Variants in ACE observed in about 807,000 individuals in gnomAD.
ACE encodes the protein angiotensin I converting enzyme.
In ACE, 122 loss-of-function variants were observed where a neutral mutation model predicts 162.3. That is an observed-to-expected ratio of 0.75 (90% CI 0.65 to 0.87). ACE has a LOEUF of 0.87. Among genes scored for constraint, ACE ranks in the 40% least tolerant of loss-of-function variants. The probability of loss-of-function intolerance (pLI) is 0.00; values close to 1 mark genes in which losing one functional copy is unlikely to be tolerated. For missense variants in ACE, 1,799 were observed against 1,735.1 expected (o/e 1.04, Z -0.65); for synonymous variants, 796 against 720.6 (o/e 1.10, Z -1.68).
chr17:63,478,642 G>A, intron 2 of ACE: 1 of 375,334 alleles, frequency 2.7e-6, no homozygotes, highest in Admixed American at 3.7e-5. Flanking sequence ...CAGCCTGCGT[G>A]ACAGAGTGAG....
rs372437564 is a variant in ACE, at chr17:63,481,225, G to A, written c.945+37G>A. Reference sequence around the variant, plus strand: ...GCTCAAGCCTGGGGTGGTGGGGGTCGGGGGTGGGGCGCAAAAAAAGGGAGT... The same window carrying A: ...GCTCAAGCCTGGGGTGGTGGGGGTCAGGGGTGGGGCGCAAAAAAAGGGAGT... On this transcript the variant is annotated intron_variant, in intron 6 of 24. Coordinates refer to ENST00000290866, the MANE Select transcript of ACE (RefSeq NM_000789.4). 8.3e-5 allele frequency: 120 copies of A among 1,449,872 alleles called. 4 individuals carry two copies. Among genetic ancestry groups the A allele is most frequent in the East Asian group, 5.2e-4 (22 of 42,560 alleles). The allele number at this position is 1,449,872 out of a possible 1,614,324, so 89.8% of individuals were successfully genotyped here.
chr17:63,486,839 G>A lies in ACE; in HGVS notation c.2217+124G>A, dbSNP rs149571341. 2.9e-3 allele frequency: 4,343 copies of A among 1,476,362 alleles called. 14 individuals carry two copies. Among genetic ancestry groups the A allele is most frequent in the Middle Eastern group, 4.0e-3 (23 of 5,784 alleles). 91.5% of individuals were successfully genotyped at this position (1,476,362 alleles called of 1,614,324 possible). A position where few individuals can be genotyped will look rare whatever the true frequency, so the allele number is the denominator to read the frequency against. On this transcript the variant is annotated intron_variant, in intron 14 of 24. Coordinates refer to ENST00000290866, the MANE Select transcript of ACE (RefSeq NM_000789.4). The stretch of plus-strand genomic sequence containing the variant: ...TATCAAGTCATGGCATCTGCCATGC[G>A]ATGTGCACCTCAGAACTGCTGAGAG...
At position 63,489,132 on chromosome 17, in the gene ACE, G is replaced by T; in HGVS notation, c.2641G>T (p.Gly881Trp). 6.2e-7 allele frequency: 1 copy of T among 1,608,144 alleles called. No homozygotes were observed. Among genetic ancestry groups the T allele is most frequent in the Non-Finnish European group, 8.5e-7 (1 of 1,179,972 alleles). ...GGGGCCCATTCCTGCTCACCTGCTGGGTAAGGGCACATGTCGGGCCTTGAG... is the reference window on the plus strand; with the variant it reads ...GGGGCCCATTCCTGCTCACCTGCTGTGTAAGGGCACATGTCGGGCCTTGAG... Reference protein sequence around the residue: ...LEGPIPAHLLGNMWAQTWSNI... With the variant: ...LEGPIPAHLLWNMWAQTWSNI... Residue 881 changes from glycine to tryptophan, a missense_variant and splice_region_variant, in exon 17 of 25, where the codon GGG becomes TGG. Gly to Trp is a radical substitution (Grantham distance 184). Transcript: ENST00000290866.
intron 9 of ACE, 32 bp from the exon 10 acceptor site, chr17:63,483,428 G>A: frequency 6.3e-7 from 1 of 1,583,576 alleles, no homozygotes; most frequent in Non-Finnish European, 8.7e-7. Context: ...GCAACCTCTA[G>A]GCCCTAAGAC....
rs1443095653 is a variant in ACE, at chr17:63,490,948, C to A, written c.2642-6C>A. On this transcript the variant is annotated splice_polypyrimidine_tract_variant and splice_region_variant and intron_variant, in intron 17 of 24. Transcript: ENST00000290866. ...TCTCTCTGCCGTCCCCCACACTCGC[C>A]TCCAGGGAACATGTGGGCGCAGACC... is the stretch of plus-strand genomic sequence containing the variant. 1 of 1,614,058 alleles carries A rather than the reference C, an allele frequency of 6.2e-7. No homozygotes were observed. Among genetic ancestry groups the A allele is most frequent in the African/African-American group, 1.3e-5 (1 of 74,930 alleles).
Position 63,481,598 on chromosome 17 carries a change from A to G in ACE, c.978A>G (p.Ala326=). 6.2e-7 allele frequency: 1 copy of G among 1,614,050 alleles called. No individual in the cohort carries two copies. Among genetic ancestry groups the G allele is most frequent in the East Asian group, 2.2e-5 (1 of 44,878 alleles). Residue 326 remains alanine (A), a synonymous_variant, in exon 7 of 25, where the codon GCA becomes GCG. Transcript: ENST00000290866. ...ACGCCACGCACATGTTCCGGGTGGCAGAGGAGTTCTTCACCTCCCTGGAGC... is the reference window on the plus strand; with the variant it reads ...ACGCCACGCACATGTTCCGGGTGGCGGAGGAGTTCTTCACCTCCCTGGAGC... ...GWNATHMFRV[A]EEFFTSLELS...
intron 12 of ACE, 148 bp from the exon 13 acceptor site, chr17:63,485,088 G>T: frequency 6.3e-7 from 1 of 1,599,678 alleles, no homozygotes; most frequent in East Asian, 2.3e-5. Flanking sequence ...CAGGGGAGGG[G>T]CAGGGTGCCA....
Position 63,483,567 on chromosome 17 carries a change from G to GCGGGGGGGGGGCC in ACE, c.1586+10_1586+11insGGGGGGGGGGCCC. 2 of 1,589,540 alleles carry GCGGGGGGGGGGCC rather than the reference G, an allele frequency of 1.3e-6. No homozygotes were observed. Among genetic ancestry groups the GCGGGGGGGGGGCC allele is most frequent in the Non-Finnish European group, 1.7e-6 (2 of 1,165,662 alleles). On this transcript the variant is annotated intron_variant, in intron 10 of 24. Transcript: ENST00000290866. ...GTGACACCATACATCAGGTATTAGC[G>GCGGGGGGGGGGCC]CCCCCACCCCACCCACCCCCAGTAC...
chr17:63,485,011 C>T (rs2029867120), intron 12 of ACE: 2 of 1,611,376 alleles, frequency 1.2e-6, no homozygotes, highest in African/African-American at 1.3e-5. Context: ...CAACAACCAG[C>T]AGCCAGACAA....
rs1401945645 is a variant in ACE, at chr17:63,493,908, C to A, written c.3137-14C>A. The A allele has an allele frequency of 6.2e-7, 1 of 1,614,166 alleles. No homozygotes were observed. Among genetic ancestry groups the A allele is most frequent in the Admixed American group, 1.7e-5 (1 of 60,020 alleles). ...GGACCCTGGGTCTGACAGCTGGGCT[C>A]CCTTCCCTTGCAGAGCATGACATCA... On this transcript the variant is annotated splice_polypyrimidine_tract_variant and intron_variant, in intron 20 of 24. Coordinates refer to ENST00000290866, the MANE Select transcript of ACE (RefSeq NM_000789.4).
chr17:63,479,250 AC>A, intron 3 of ACE, 150 bp downstream of exon 3: 2 of 717,378 alleles, frequency 2.8e-6, no homozygotes, highest in Non-Finnish European at 2.5e-6. Flanking sequence ...CGGTGCAGAT[AC>A]CCCCACGCCC....
rs569142391 is a variant in ACE at position 63,480,329 on chromosome 17, G to A, written c.656-8G>A. 8.1e-6 allele frequency: 13 copies of A among 1,613,434 alleles called. No individual in the cohort carries two copies. Among genetic ancestry groups the A allele is most frequent in the South Asian group, 2.2e-5 (2 of 91,078 alleles). ...CCTGAGCTACATACCTCACCCCCAC[G>A]CCCCCAGGCTTCACAGACACGGGGG... On this transcript the variant is annotated splice_region_variant and splice_polypyrimidine_tract_variant and intron_variant, in intron 4 of 24. Coordinates refer to ENST00000290866, the MANE Select transcript of ACE (RefSeq NM_000789.4).
At position 63,484,455 on chromosome 17, in the gene ACE, A is replaced by G. The variant is rs773255356; in HGVS notation, c.1835A>G (p.Glu612Gly). 6.2e-7 allele frequency: 1 copy of G among 1,612,004 alleles called. No homozygotes were observed. The highest frequency in any genetic ancestry group is 8.5e-7 in the Non-Finnish European group (1 of 1,179,842). The change falls in exon 12 of 25, where the codon GAG becomes GGG. Residue 612 changes from glutamate (E) to glycine (G), a missense_variant. Glu to Gly is a moderately conservative substitution (Grantham distance 98, BLOSUM62 -2). Coordinates refer to ENST00000290866, the MANE Select transcript of ACE (RefSeq NM_000789.4). This position sits in a 1 kb window ranked among gnomAD's most constrained non-coding sequence, Gnocchi z 4.0. ...CAGCCAGTCACCCAGTGGCTGCAGG[A>G]GCAGAACCAGCAGAACGGCGAGGTC... ...YFQPVTQWLQ[E>G]QNQQNGEVLG... is the part of the protein sequence containing the mutation.
In ACE at chr17:63,494,984, C is replaced by T. The variant is rs138802176; in HGVS notation, c.3380+514C>T. On this transcript the variant is annotated intron_variant, in intron 22 of 24. Transcript: ENST00000290866. ...GTCAGACAGAACTGGGTTCAAACTC[C>T]GTCTCCATTACTTTGTTTCCTTGAG... 6.0e-3 allele frequency among the ~76,000 whole-genome samples: 919 copies of T among 152,250 alleles called. 10 individuals are homozygous for T. The highest frequency in any genetic ancestry group is 5.9e-3 in the Non-Finnish European group (404 of 68,010).
chr17:63,489,274 A>G, intron 17 of ACE, 142 bp downstream of exon 17: 1 of 979,788 alleles, frequency 1.0e-6, no homozygotes, highest in Non-Finnish European at 1.5e-6. Flanking sequence ...CCCAGGCTGG[A>G]GGGGGGTGGG....
intron 5 of ACE, 66 bp downstream of exon 5, chr17:63,480,594 G>A (rs1414792620): frequency 1.9e-6 from 3 of 1,565,906 alleles, no homozygotes; most frequent in South Asian, 1.1e-5. Context: ...AGGGGTGGGG[G>A]ATGTCCAGGG....
intron 19 of ACE, among the ~76,000 whole-genome samples, chr17:63,492,445 C>T (rs963233831): frequency 9.2e-5 from 14 of 152,200 alleles, no homozygotes; most frequent in African/African-American, 2.4e-4. Flanking sequence ...AAACAAAACC[C>T]GATGGGATTC....
chr17:63,486,151 C>T lies in ACE; in HGVS notation c.2059-406C>T, dbSNP rs182345973. The T allele has an allele frequency of 2.0e-3, 655 of 322,222 alleles. 2 individuals are homozygous for T. The highest frequency in any genetic ancestry group is 0.013 in the African/African-American group (620 of 46,762). The allele number at this position is 322,222 out of a possible 1,614,324, so 20.0% of individuals were successfully genotyped here. The stretch of plus-strand genomic sequence containing the variant: ...GCCACACACTGTTACTGTTCCTTGG[C>T]ACTTTGATCTGTTGCCTCATCTTTT... On this transcript the variant is annotated intron_variant, in intron 13 of 24. Transcript: ENST00000290866.
chr17:63,483,207 C>G (rs756239274), intron 9 of ACE, 34 bp downstream of exon 9: 1 of 1,612,298 alleles, frequency 6.2e-7, no homozygotes, highest in Non-Finnish European at 8.5e-7. Flanking sequence ...TTCGCCCCAG[C>G]TAGCCCTCCC....
Sources: allele counts gnomAD v4.1 joint callset (sites outside exome capture counted in the v4.1 genomes callset), GRCh38; gene constraint gnomAD v4.1.1; non-coding constraint Gnocchi (gnomAD v3.1); transcripts MANE v1.5; gene names NCBI Gene and HGNC (gene_info 2026-07-23, HGNC 2026-07-21).